The following CENPC variants were observed in gnomAD, a reference collection of about 807,000 sequenced individuals.
CENPC encodes centromere protein C, also known as CENP-C 1.
In CENPC, 63 loss-of-function variants were observed where a neutral mutation model predicts 112.1. The ratio of observed to expected loss-of-function variants is 0.56; its 90% CI spans 0.46 to 0.69. The LOEUF is 0.69. Ranked by LOEUF, CENPC falls within the 30% of genes least tolerant of loss-of-function variation. CENPC has a pLI of 0.00. For synonymous variants in CENPC, 333 were observed against 367.6 expected, an observed-to-expected ratio of 0.91 and a Z score of 1.08; for missense variants, 1,000 against 1,103.8, an observed-to-expected ratio of 0.91 and a Z score of 1.33.
intron 10 of CENPC, among the ~76,000 whole-genome samples, chr4:67,507,839 A>C (rs1308349182): frequency 6.6e-6 from 1 of 152,214 alleles, no homozygotes; most frequent in African/African-American, 2.4e-5. Flanking sequence ...AGCAAATTCC[A>C]GCAACACAAT....
At chr4:67,536,942 A>G (rs1402582941) in intron 4 of CENPC, among the ~76,000 whole-genome samples, 2 of 151,428 alleles carry the variant, frequency 1.3e-5, no homozygotes, top group African/African-American at 4.8e-5. Flanking sequence ...CAGTAATCCC[A>G]GCTATTCCTT....
intron 5 of CENPC, among the ~76,000 whole-genome samples, chr4:67,529,483 G>A (rs538289838): frequency 2.0e-5 from 3 of 151,876 alleles, no homozygotes; most frequent in East Asian, 1.9e-4. Context: ...TTGCCACCAC[G>A]CCTGGCAAAT....
chr4:67,506,983 T>C (rs1478248245), intron 10 of CENPC, 49 bp from the exon 11 acceptor site: 2 of 1,459,768 alleles, frequency 1.4e-6, no homozygotes, highest in Admixed American at 4.1e-5. Context: ...CAAAATAAAA[T>C]TTTCTTCCAG....
intron 10 of CENPC, among the ~76,000 whole-genome samples, chr4:67,507,449 T>A (rs1477877765): frequency 1.3e-5 from 2 of 152,004 alleles, no homozygotes; most frequent in Non-Finnish European, 2.9e-5. Flanking sequence ...ACCATTAAAG[T>A]CAAAAGAAAT....
intron 10 of CENPC, among the ~76,000 whole-genome samples, chr4:67,508,525 A>AAAG (rs1725798965): frequency 6.6e-6 from 1 of 151,130 alleles, no homozygotes; most frequent in African/African-American, 2.4e-5. Flanking sequence ...AAAAAAAAAA[A>AAAG]AAAAAAAAAA....
chr4:67,537,179 A>C (rs969983079), intron 4 of CENPC, among the ~76,000 whole-genome samples: 4 of 152,286 alleles, frequency 2.6e-5, no homozygotes, highest in African/African-American at 9.6e-5. Context: ...AAATAAAATG[A>C]ACAAATCCCT....
intron 7 of CENPC, among the ~76,000 whole-genome samples, chr4:67,516,500 A>C (rs1726060170): frequency 6.6e-6 from 1 of 152,006 alleles, no homozygotes; most frequent in Non-Finnish European, 1.5e-5. Context: ...ATACACAAGG[A>C]ATCAGAAATG....
rs544719678 is a variant in CENPC, at chr4:67,488,675, A to C, written c.2670+1292T>G. Among the ~76,000 whole-genome samples, 3 of 152,090 alleles carry C rather than the reference A, an allele frequency of 2.0e-5. No homozygotes were observed. The South Asian group carries it at 6.2e-4, about 31-fold the overall frequency. On this transcript the variant is annotated intron_variant, in intron 17 of 18. Coordinates refer to ENST00000273853, the MANE Select transcript of CENPC (RefSeq NM_001812.4). ...TTTAATAGGTAACTGCTATTACTTC[A>C]GTGATGATAATTCATGTTTATCCTC...
intron 1 of CENPC, among the ~76,000 whole-genome samples, chr4:67,544,538 G>A (rs1726974562): frequency 2.0e-5 from 3 of 152,036 alleles, no homozygotes; most frequent in Non-Finnish European, 2.9e-5. Context: ...TATGTATAAC[G>A]TCACATAATG....
At chr4:67,490,156 C>T in intron 16 of CENPC, 35 bp from the exon 17 acceptor site, 3 of 1,458,192 alleles carry the variant, frequency 2.1e-6, no homozygotes, top group Non-Finnish European at 2.8e-6. Flanking sequence ...TATAAAACAA[C>T]AGCAGTATTG....
At chr4:67,484,624 A>C (rs939040782) in intron 17 of CENPC, among the ~76,000 whole-genome samples, 5 of 152,194 alleles carry the variant, frequency 3.3e-5, no homozygotes, top group African/African-American at 1.2e-4. Context: ...TGCCACCACC[A>C]ATTTTTGTGG....
At chr4:67,533,835 CA>C (rs367722434) in intron 4 of CENPC, among the ~76,000 whole-genome samples, 1 of 151,998 alleles carries the variant, frequency 6.6e-6, no homozygotes, top group African/African-American at 2.4e-5. Flanking sequence ...GTCAAGAATT[CA>C]AGATCAGCCT....
intron 4 of CENPC, among the ~76,000 whole-genome samples, chr4:67,537,706 T>C (rs1407162456): frequency 6.6e-6 from 1 of 152,026 alleles, no homozygotes; most frequent in African/African-American, 2.4e-5. Flanking sequence ...GGCAGGAGAA[T>C]CATTTGTACC....
At chr4:67,482,034 T>C (rs954268103) in intron 17 of CENPC, among the ~76,000 whole-genome samples, 8 of 151,888 alleles carry the variant, frequency 5.3e-5, no homozygotes, top group Non-Finnish European at 1.2e-4. Context: ...TGGAATAATA[T>C]CCAGAATCTA....
chr4:67,476,533 G>C (rs1560416972), intron 17 of CENPC, among the ~76,000 whole-genome samples: 1 of 152,188 alleles, frequency 6.6e-6, no homozygotes. Flanking sequence ...GAAACCCAAG[G>C]AAGCCATTTC....
intron 15 of CENPC, among the ~76,000 whole-genome samples, chr4:67,492,528 G>A (rs532022089): frequency 6.6e-6 from 1 of 152,194 alleles, no homozygotes; most frequent in African/African-American, 2.4e-5. Flanking sequence ...CATTATCAAG[G>A]TATTAAGTGA....
intron 2 of CENPC, among the ~76,000 whole-genome samples, chr4:67,543,042 C>A (rs1013905833): frequency 2.0e-5 from 3 of 151,988 alleles, no homozygotes; most frequent in Non-Finnish European, 4.4e-5. Flanking sequence ...ACAACACCCT[C>A]CTTAAGCTAC....
At chr4:67,485,101 T>C (rs1320548924) in intron 17 of CENPC, among the ~76,000 whole-genome samples, 1 of 151,998 alleles carries the variant, frequency 6.6e-6, no homozygotes, top group East Asian at 1.9e-4. Flanking sequence ...TCAAAAAGAT[T>C]ATCACCTACA....
At chr4:67,519,109 A>T in intron 6 of CENPC, 108 bp downstream of exon 6, 1 of 763,140 alleles carries the variant, frequency 1.3e-6, no homozygotes, top group Non-Finnish European at 2.0e-6. Context: ...ACATGTTAAT[A>T]TTCCTCCTTC....
Sources: gnomAD v4.1 joint callset for allele counts (sites outside exome capture counted in the v4.1 genomes callset) on GRCh38, gnomAD v4.1.1 for gene constraint, MANE v1.5 for transcripts, NCBI Gene and HGNC (gene_info 2026-07-23, HGNC 2026-07-21) for gene names.